STXBP5L: variants seen among roughly 807,000 people sequenced by gnomAD.
STXBP5L encodes the protein syntaxin-binding protein 5-like.
STXBP5L carries 65 observed loss-of-function variants against 144.5 expected under a neutral mutation model. That is an observed-to-expected ratio of 0.45 (90% CI 0.37 to 0.55). STXBP5L has a LOEUF of 0.55. Ranked by LOEUF, STXBP5L falls within the 20% of genes least tolerant of loss-of-function variation. STXBP5L has a pLI of 0.00. For synonymous variants in STXBP5L, 505 were observed against 469.6 expected (o/e 1.08, Z -0.97); for missense variants, 1,298 against 1,405.5 (o/e 0.92, Z 1.22).
chr3:121,017,451 T>C (rs1376762710), intron 3 of STXBP5L, among the ~76,000 whole-genome samples: 1 of 152,136 alleles, frequency 6.6e-6, no homozygotes, highest in Non-Finnish European at 1.5e-5. Context: ...TACAGTAAGA[T>C]CAGAAAAGCA....
At chr3:121,026,513 T>C (rs1288887523) in intron 3 of STXBP5L, among the ~76,000 whole-genome samples, 3 of 152,088 alleles carry the variant, frequency 2.0e-5, no homozygotes, top group Non-Finnish European at 4.4e-5. Flanking sequence ...CTTTTATGTC[T>C]TGTTCACTGA....
intron 5 of STXBP5L, among the ~76,000 whole-genome samples, chr3:121,074,840 G>A (rs1268306501): frequency 6.6e-6 from 1 of 152,102 alleles, no homozygotes; most frequent in East Asian, 1.9e-4. Flanking sequence ...CAGACAATTT[G>A]GCAAATATAA....
At chr3:121,236,372 T>A (rs950786023) in intron 12 of STXBP5L, among the ~76,000 whole-genome samples, 1 of 152,202 alleles carries the variant, frequency 6.6e-6, no homozygotes, top group African/African-American at 2.4e-5. Flanking sequence ...AAAGAAAAAT[T>A]ATTTGTTTGG....
chr3:121,050,846 T>C (rs369815999), intron 5 of STXBP5L, among the ~76,000 whole-genome samples: 98 of 152,162 alleles, frequency 6.4e-4, no homozygotes, highest in Middle Eastern at 6.8e-3. Context: ...ACCCATCTCA[T>C]GTGCAGAGAC....
At chr3:121,063,916 G>C (rs1353813248) in intron 5 of STXBP5L, among the ~76,000 whole-genome samples, 1 of 152,122 alleles carries the variant, frequency 6.6e-6, no homozygotes, top group Non-Finnish European at 1.5e-5. Context: ...GTAGATCTTA[G>C]CTTGCTGTGC....
intron 3 of STXBP5L, among the ~76,000 whole-genome samples, chr3:121,013,219 G>A (rs1388457068): frequency 6.6e-6 from 1 of 152,004 alleles, no homozygotes; most frequent in Non-Finnish European, 1.5e-5. Flanking sequence ...ACCCATTAAT[G>A]GGATTGCTAG....
In STXBP5L at chr3:121,209,787, AT is replaced by A. The variant is rs1261345785; in HGVS notation, c.956+3788del. On this transcript the variant is annotated intron_variant, in intron 10 of 26. Coordinates refer to ENST00000471454, the MANE Select transcript of STXBP5L (RefSeq NM_001308330.2). ...TCATCCTTTTTCATGGCTGCATAGT[AT>A]TCCATGGTGTATATGTGCCACATTT... Among the ~76,000 whole-genome samples, 11 of 152,292 alleles carry A rather than the reference AT, an allele frequency of 7.2e-5. No individual in the cohort carries two copies. In the East Asian group the frequency reaches 2.1e-3, roughly 29 times the overall value.
chr3:121,059,708 T>C (rs1435983657), intron 5 of STXBP5L, among the ~76,000 whole-genome samples: 1 of 152,170 alleles, frequency 6.6e-6, no homozygotes, highest in Non-Finnish European at 1.5e-5. Flanking sequence ...GTAAGCTGTA[T>C]TCCTACGTAT....
intron 3 of STXBP5L, among the ~76,000 whole-genome samples, chr3:120,968,794 A>G (rs1939897707): frequency 6.6e-6 from 1 of 151,700 alleles, no homozygotes; most frequent in African/African-American, 2.4e-5. Context: ...CTTAAAACAT[A>G]TGATATTTGA....
intron 5 of STXBP5L, among the ~76,000 whole-genome samples, chr3:121,076,392 T>C (rs1263379192): frequency 6.6e-6 from 1 of 152,204 alleles, no homozygotes; most frequent in Non-Finnish European, 1.5e-5. Context: ...GCCTGTAAGA[T>C]GGTTTTTTTC....
Position 121,311,801 on chromosome 3 carries a change from C to G in STXBP5L, c.2111-6674C>G, listed in dbSNP as rs1385701619. On this transcript the variant is annotated intron_variant, in intron 19 of 26. Transcript: ENST00000471454. ...TTTATAGATTCAATGCCATCCCCAT[C>G]AAGCTACCAATGACTTTCTTCACAG... is the stretch of plus-strand genomic sequence containing the variant. Among the ~76,000 whole-genome samples, 7 of 152,174 alleles carry G rather than the reference C, an allele frequency of 4.6e-5. No homozygotes were observed. In the East Asian group the frequency reaches 9.6e-4, roughly 21 times the overall value.
chr3:121,272,777 T>C (rs2050768226), intron 18 of STXBP5L, among the ~76,000 whole-genome samples: 1 of 152,118 alleles, frequency 6.6e-6, no homozygotes, highest in African/African-American at 2.4e-5. Context: ...CATATATACC[T>C]ACTATGTTTC....
At chr3:121,281,685 G>C (rs996730396) in intron 19 of STXBP5L, among the ~76,000 whole-genome samples, 3 of 151,910 alleles carry the variant, frequency 2.0e-5, no homozygotes, top group African/African-American at 7.2e-5. Flanking sequence ...AAATTAAACT[G>C]CTTGAACCTT....
intron 2 of STXBP5L, among the ~76,000 whole-genome samples, chr3:120,919,823 A>C (rs1016826280): frequency 6.6e-6 from 1 of 151,972 alleles, no homozygotes; most frequent in African/African-American, 2.4e-5. Flanking sequence ...TTAACAGAAT[A>C]ATTTACATCA....
At chr3:121,185,693 T>A (rs2047348131) in intron 9 of STXBP5L, among the ~76,000 whole-genome samples, 1 of 152,238 alleles carries the variant, frequency 6.6e-6, no homozygotes, top group Non-Finnish European at 1.5e-5. Flanking sequence ...CTGTTTTGGT[T>A]ACTATAGCCT....
chr3:121,020,522 G>A (rs539932709), intron 3 of STXBP5L, among the ~76,000 whole-genome samples: 11 of 152,262 alleles, frequency 7.2e-5, no homozygotes, highest in African/African-American at 2.6e-4. Context: ...AAAGCATCAA[G>A]TAACCTATAA....
At chr3:120,920,879 A>G (rs1011747974) in intron 2 of STXBP5L, among the ~76,000 whole-genome samples, 1 of 151,852 alleles carries the variant, frequency 6.6e-6, no homozygotes, top group Non-Finnish European at 1.5e-5. Flanking sequence ...TTCTTTATCC[A>G]TTCATTCATT....
chr3:120,979,455 C>A (rs143590702), intron 3 of STXBP5L, among the ~76,000 whole-genome samples: 1 of 152,124 alleles, frequency 6.6e-6, no homozygotes, highest in Admixed American at 6.5e-5. Flanking sequence ...TCTGTCACCC[C>A]TTTCTTTGAC....
intron 22 of STXBP5L, among the ~76,000 whole-genome samples, chr3:121,393,720 T>C (rs2046654739): frequency 6.6e-6 from 1 of 152,234 alleles, no homozygotes; most frequent in South Asian, 2.1e-4. Context: ...TTTGTTGACT[T>C]TCTCAAAGAT....
Sources: gnomAD v4.1 joint callset for allele counts (sites outside exome capture counted in the v4.1 genomes callset) on GRCh38, gnomAD v4.1.1 for gene constraint, MANE v1.5 for transcripts, NCBI Gene and HGNC (gene_info 2026-07-23, HGNC 2026-07-21) for gene names.